CNTLN: variants seen among roughly 807,000 people sequenced by gnomAD.
CNTLN encodes centlein, centrosomal protein.
Under a neutral mutation model 180.0 loss-of-function variants are expected in CNTLN, and 212 were observed. The observed-to-expected ratio is 1.18, with a 90% CI of 1.05 to 1.32. The LOEUF is 1.32. CNTLN is among the 40% of genes most tolerant of loss of function. The pLI is 0.00. For missense variants in CNTLN, 2,095 were observed against 1,610.9 expected (o/e 1.30, Z -5.14); for synonymous variants, 722 against 563.1 (o/e 1.28, Z -3.99).
At chr9:17,247,647 A>G (rs1027288762) in intron 5 of CNTLN, among the ~76,000 whole-genome samples, 3 of 151,972 alleles carry the variant, frequency 2.0e-5, no homozygotes, top group African/African-American at 4.8e-5. Context: ...TTGTGTGTGG[A>G]TAGTTGTTCA....
rs376504700 is a variant in CNTLN, at chr9:17,235,808, C to T, written c.669+16C>T. On this transcript the variant is annotated intron_variant, in intron 4 of 25. Coordinates refer to ENST00000380647, the MANE Select transcript of CNTLN (RefSeq NM_017738.4). Reference sequence around the variant, plus strand: ...AGAAATTAAGGTGTGTTGACTTGTACATAGTTTTGTGGGACTGTTGCTTTG... The same window carrying T: ...AGAAATTAAGGTGTGTTGACTTGTATATAGTTTTGTGGGACTGTTGCTTTG... 3.2e-6 allele frequency: 5 copies of T among 1,583,800 alleles called. No individual in the cohort carries two copies. Among genetic ancestry groups the T allele is most frequent in the Non-Finnish European group, 4.3e-6 (5 of 1,170,486 alleles).
chr9:17,364,386 T>C (rs113080376), intron 12 of CNTLN, among the ~76,000 whole-genome samples: 1 of 152,128 alleles, frequency 6.6e-6, no homozygotes, highest in South Asian at 2.1e-4. Flanking sequence ...AACCCATCCA[T>C]TGAGTTTTAA....
intron 18 of CNTLN, among the ~76,000 whole-genome samples, chr9:17,454,595 G>T (rs894379): frequency 6.6e-6 from 1 of 152,050 alleles, no homozygotes; most frequent in South Asian, 2.1e-4. Flanking sequence ...CCTTTAACAC[G>T]CTTCTCAGAC....
intron 12 of CNTLN, among the ~76,000 whole-genome samples, chr9:17,342,921 G>A (rs1183896656): frequency 6.6e-6 from 1 of 152,212 alleles, no homozygotes; most frequent in African/African-American, 2.4e-5. Flanking sequence ...AGCTGGAGCT[G>A]TCCAAGCTAA....
chr9:17,180,399 G>A (rs1378273111), intron 2 of CNTLN, among the ~76,000 whole-genome samples: 1 of 148,420 alleles, frequency 6.7e-6, no homozygotes, highest in East Asian at 2.0e-4. Context: ...TTAGCACAGT[G>A]TACTGGTATC....
chr9:17,431,836 A>T (rs1171028808), intron 18 of CNTLN, among the ~76,000 whole-genome samples: 1 of 152,212 alleles, frequency 6.6e-6, no homozygotes, highest in African/African-American at 2.4e-5. Flanking sequence ...AGGAAGCAAC[A>T]CATTTTCTAA....
At chr9:17,153,088 T>C (rs1451265846) in intron 2 of CNTLN, among the ~76,000 whole-genome samples, 2 of 152,194 alleles carry the variant, frequency 1.3e-5, no homozygotes, top group African/African-American at 4.8e-5. Flanking sequence ...TACAGCACAC[T>C]GATGGGTCTT....
At chr9:17,419,841 C>G (rs757236455) in intron 18 of CNTLN, among the ~76,000 whole-genome samples, 1 of 152,092 alleles carries the variant, frequency 6.6e-6, no homozygotes, top group Non-Finnish European at 1.5e-5. Context: ...TACTAATTTT[C>G]CAATAATTTA....
intron 2 of CNTLN, among the ~76,000 whole-genome samples, chr9:17,171,545 T>G (rs751124558): frequency 4.3e-4 from 66 of 152,202 alleles, no homozygotes; most frequent in Non-Finnish European, 7.6e-4. Context: ...TGCTGAGGTC[T>G]TCCTGATCTC....
At position 17,297,927 on chromosome 9, in the gene CNTLN, A is replaced by T. The variant is rs549711480; in HGVS notation, c.984-263A>T. Among the ~76,000 whole-genome samples the T allele has an allele frequency of 6.6e-5, 10 of 152,328 alleles. No individual in the cohort carries two copies. The East Asian group carries it at 1.9e-3, about 29-fold the overall frequency. ...TTAAATAAAAGGTTGTACTATGTAT[A>T]TCCATGGTTTTTATTACTATAAAGC... On this transcript the variant is annotated intron_variant, in intron 6 of 25. Coordinates refer to ENST00000380647, the MANE Select transcript of CNTLN (RefSeq NM_017738.4).
At chr9:17,280,989 GAC>G (rs1342474788) in intron 6 of CNTLN, among the ~76,000 whole-genome samples, 1 of 152,152 alleles carries the variant, frequency 6.6e-6, no homozygotes, top group African/African-American at 2.4e-5. Context: ...AGATGCATAA[GAC>G]ACATATTTAA....
intron 13 of CNTLN, among the ~76,000 whole-genome samples, chr9:17,368,397 G>A (rs976849667): frequency 1.3e-5 from 2 of 152,150 alleles, no homozygotes; most frequent in Non-Finnish European, 2.9e-5. Context: ...GGCATCTCTG[G>A]ACCCACCCAG....
chr9:17,483,561 A>C (rs12345424), intron 23 of CNTLN, among the ~76,000 whole-genome samples: 6,620 of 152,216 alleles, frequency 0.043, 207 homozygotes, highest in Non-Finnish European at 0.061. Context: ...CATCTAACTA[A>C]CCTGCTCTCA....
intron 15 of CNTLN, among the ~76,000 whole-genome samples, chr9:17,401,120 T>G (rs1035073905): frequency 2.0e-5 from 3 of 152,218 alleles, no homozygotes; most frequent in African/African-American, 7.2e-5. Context: ...TTTAGGTTCC[T>G]AGCATTTTAT....
At chr9:17,455,094 A>C (rs975126856) in intron 18 of CNTLN, among the ~76,000 whole-genome samples, 34 of 152,216 alleles carry the variant, frequency 2.2e-4, no homozygotes, top group Non-Finnish European at 2.4e-4. Flanking sequence ...TTTTTTTCTC[A>C]TCTATAGCTT....
chr9:17,501,851 A>G (rs1292939986), intron 25 of CNTLN, among the ~76,000 whole-genome samples: 1 of 152,224 alleles, frequency 6.6e-6, no homozygotes, highest in Non-Finnish European at 1.5e-5. Context: ...ATTGTCTTTT[A>G]CTTACCACCT....
At chr9:17,231,031 A>AT (rs1265088959) in intron 3 of CNTLN, among the ~76,000 whole-genome samples, 1 of 152,028 alleles carries the variant, frequency 6.6e-6, no homozygotes, top group Non-Finnish European at 1.5e-5. Context: ...TGTCTCTTCA[A>AT]TTTTGGGAGC....
chr9:17,335,925 C>CAAAAAA (rs66491731), intron 10 of CNTLN, among the ~76,000 whole-genome samples: 2 of 138,492 alleles, frequency 1.4e-5, no homozygotes, highest in Admixed American at 7.3e-5. Flanking sequence ...GAGTCTGTCT[C>CAAAAAA]AAAAACAAAA....
At chr9:17,177,509 G>A (rs548847750) in intron 2 of CNTLN, among the ~76,000 whole-genome samples, 4 of 152,308 alleles carry the variant, frequency 2.6e-5, no homozygotes, top group South Asian at 2.1e-4. Context: ...GCGGACCCTT[G>A]TGGTGAGTGT....
Sources: gnomAD v4.1 joint callset for allele counts (sites outside exome capture counted in the v4.1 genomes callset) on GRCh38, gnomAD v4.1.1 for gene constraint, MANE v1.5 for transcripts, NCBI Gene and HGNC (gene_info 2026-07-23, HGNC 2026-07-21) for gene names.